Variants in DNAH14 observed in about 807,000 individuals in gnomAD.
The protein encoded by DNAH14 is axonemal beta dynein heavy chain 14.
A neutral mutation model predicts 520.9 loss-of-function variants in DNAH14; 478 were observed. The ratio of observed to expected loss-of-function variants is 0.92; its 90% CI spans 0.85 to 0.99. DNAH14 has a LOEUF of 0.99. Ranked by LOEUF, DNAH14 falls within the 50% of genes least tolerant of loss-of-function variation. DNAH14 has a pLI of 0.00. For missense variants in DNAH14, 4,831 were observed against 5,234.5 expected, an observed-to-expected ratio of 0.92 and a Z score of 2.38; for synonymous variants, 1,581 against 1,757.2, an observed-to-expected ratio of 0.90 and a Z score of 2.51.
chr1:225,380,462 C>T, intron 80 of DNAH14, 140 bp downstream of exon 80: 2 of 990,874 alleles, frequency 2.0e-6, no homozygotes, highest in Non-Finnish European at 2.8e-6. Flanking sequence ...CAGTCTCTGC[C>T]TCCTCTCTCC....
intron 1 of DNAH14, among the ~76,000 whole-genome samples, chr1:224,951,088 C>T (rs1478439494): frequency 3.3e-5 from 5 of 152,072 alleles, no homozygotes; most frequent in Non-Finnish European, 4.4e-5. Context: ...TGCAGTGGCA[C>T]GATCTCAGCT....
intron 41 of DNAH14, among the ~76,000 whole-genome samples, chr1:225,225,920 A>T (rs949326052): frequency 6.6e-6 from 1 of 152,176 alleles, no homozygotes; most frequent in African/African-American, 2.4e-5. Context: ...GTCCCAGACG[A>T]TGCAGCTTCC....
intron 1 of DNAH14, among the ~76,000 whole-genome samples, chr1:224,934,064 G>C (rs774443908): frequency 7.9e-5 from 12 of 151,894 alleles, no homozygotes; most frequent in Non-Finnish European, 1.5e-4. Flanking sequence ...ATCAAAAATA[G>C]GAAGAAGTGA....
At chr1:225,254,134 G>A (rs369200557) in intron 44 of DNAH14, among the ~76,000 whole-genome samples, 41 of 152,048 alleles carry the variant, frequency 2.7e-4, no homozygotes, top group African/African-American at 9.2e-4. Flanking sequence ...CAAGAACCTA[G>A]ATATGGAAAG....
At chr1:225,215,876 A>G (rs4409616) in intron 41 of DNAH14, among the ~76,000 whole-genome samples, 53,937 of 151,918 alleles carry the variant, frequency 0.36, 11,838 homozygotes, top group East Asian at 0.61. Flanking sequence ...CTTTTAATTC[A>G]AGCATTTAGC....
At chr1:225,303,030 A>AT in intron 56 of DNAH14, 126 bp from the exon 57 acceptor site, 1 of 706,740 alleles carries the variant, frequency 1.4e-6, no homozygotes, top group South Asian at 2.6e-5. Context: ...CCATGCACAA[A>AT]TGATCAGTCC....
chr1:224,953,894 A>G (rs1558503085), intron 2 of DNAH14, among the ~76,000 whole-genome samples: 1 of 152,204 alleles, frequency 6.6e-6, no homozygotes, highest in Admixed American at 6.5e-5. Flanking sequence ...CTAAGGAAAG[A>G]TTTCTTAAGA....
chr1:225,089,576 C>T (rs1428205916), intron 21 of DNAH14, among the ~76,000 whole-genome samples: 1 of 149,792 alleles, frequency 6.7e-6, no homozygotes, highest in Non-Finnish European at 1.5e-5. Flanking sequence ...TAGATGCAAA[C>T]ATTCTAAAAA....
At chr1:225,078,733 G>T (rs75930340) in intron 17 of DNAH14, among the ~76,000 whole-genome samples, 3,536 of 142,828 alleles carry the variant, frequency 0.025, 116 homozygotes, top group African/African-American at 0.08. Context: ...AGGAGGTCTG[G>T]TTGTTTGAAA....
intron 31 of DNAH14, among the ~76,000 whole-genome samples, chr1:225,151,041 AC>A (rs2080456612): frequency 6.6e-6 from 1 of 152,180 alleles, no homozygotes; most frequent in South Asian, 2.1e-4. Context: ...TATACTGGCC[AC>A]ATACCTGAAG....
Position 225,384,114 on chromosome 1 carries a change from A to G in DNAH14, c.13077+2535A>G, listed in dbSNP as rs1319097248. On this transcript the variant is annotated intron_variant, in intron 81 of 85. Transcript: ENST00000682510. ...GTGGTCTAAGAAACAGTTTGTTACAATTTCTGTTCTTTTACATTTGCTGAG... is the reference window on the plus strand; with the variant it reads ...GTGGTCTAAGAAACAGTTTGTTACAGTTTCTGTTCTTTTACATTTGCTGAG... Among the ~76,000 whole-genome samples the G allele has an allele frequency of 3.3e-5, 5 of 152,158 alleles. No individual in the cohort carries two copies. The East Asian group carries it at 9.6e-4, about 29-fold the overall frequency.
intron 18 of DNAH14, among the ~76,000 whole-genome samples, 197 bp from the exon 19 acceptor site, chr1:225,080,181 TA>T (rs1479718275): frequency 2.0e-5 from 3 of 152,174 alleles, no homozygotes; most frequent in Non-Finnish European, 4.4e-5. Flanking sequence ...GCTCATGGCA[TA>T]AAAGGGACTA....
At chr1:225,381,261 T>C (rs935515755) in intron 80 of DNAH14, 122 bp from the exon 81 acceptor site, 4 of 970,538 alleles carry the variant, frequency 4.1e-6, no homozygotes, top group Non-Finnish European at 6.1e-6. Context: ...CTACAGAAAA[T>C]GTTTATCAAC....
intron 22 of DNAH14, among the ~76,000 whole-genome samples, chr1:225,098,794 G>A (rs1427389492): frequency 1.3e-5 from 2 of 152,108 alleles, no homozygotes; most frequent in Non-Finnish European, 2.9e-5. Context: ...TAGAATTCTA[G>A]GCAAGAGAGT....
rs888479439 is a variant in DNAH14 at position 225,360,475 on chromosome 1, C to G, written c.11777-206C>G. 2.0e-5 allele frequency among the ~76,000 whole-genome samples: 3 copies of G among 152,272 alleles called. No individual in the cohort carries two copies. In the South Asian group the frequency reaches 6.2e-4, roughly 32 times the overall value. ...GAAGACAACCAGCAGGTGCTGCTGT[C>G]GTTAGATATTGTTATCATCCTCGTG... On this transcript the variant is annotated intron_variant, in intron 74 of 85. Transcript: ENST00000682510.
chr1:225,151,982 A>G, intron 31 of DNAH14, 23 bp from the exon 32 acceptor site: 1 of 1,542,308 alleles, frequency 6.5e-7, no homozygotes. Flanking sequence ...AGTGCTAGTG[A>G]TGAATACTGT....
At chr1:224,990,747 G>C (rs1200817204) in intron 8 of DNAH14, among the ~76,000 whole-genome samples, 1 of 152,170 alleles carries the variant, frequency 6.6e-6, no homozygotes, top group Non-Finnish European at 1.5e-5. Context: ...GAATAGTGCT[G>C]CAGTGAACAC....
At chr1:225,393,631 T>TA (rs201939221) in intron 84 of DNAH14, among the ~76,000 whole-genome samples, 1,898 of 152,268 alleles carry the variant, frequency 0.012, 41 homozygotes, top group African/African-American at 0.042. Flanking sequence ...ACACTGAGGG[T>TA]CATACATGGC....
In DNAH14 at chr1:224,991,458, T is replaced by TAAA. The variant is rs1406611661; in HGVS notation, c.831-11325_831-11324insAAA. 7.9e-5 allele frequency among the ~76,000 whole-genome samples: 12 copies of TAAA among 151,726 alleles called. No homozygotes were observed. The East Asian group carries it at 2.3e-3, about 30-fold the overall frequency. ...CTTTTGAGAAATGTCTATTCAGGCC[T>TAAA]TTGGCCCATTTTCTAATTGGGTTGT... On this transcript the variant is annotated intron_variant, in intron 8 of 85. Coordinates refer to ENST00000682510, the MANE Select transcript of DNAH14 (RefSeq NM_001367479.1).
Sources: allele counts gnomAD v4.1 joint callset (sites outside exome capture counted in the v4.1 genomes callset), GRCh38; gene constraint gnomAD v4.1.1; transcripts MANE v1.5; gene names NCBI Gene and HGNC (gene_info 2026-07-23, HGNC 2026-07-21).